FBXO8: variants seen among roughly 807,000 people sequenced by gnomAD.
FBXO8 encodes F-box only protein 8.
Under a neutral mutation model 33.4 loss-of-function variants are expected in FBXO8, and 15 were observed. The observed-to-expected ratio is 0.45, with a 90% CI of 0.30 to 0.69. FBXO8 has a LOEUF of 0.69. Among genes scored for constraint, FBXO8 ranks in the 30% least tolerant of loss-of-function variants. FBXO8 has a pLI of 0.08. For missense variants in FBXO8, 274 were observed against 380.3 expected, an observed-to-expected ratio of 0.72 and a Z score of 2.32; for synonymous variants, 132 against 131.5, an observed-to-expected ratio of 1.00 and a Z score of -0.02.
Position 174,247,208 on chromosome 4 carries a change from T to C in FBXO8, c.457-5990A>G, listed in dbSNP as rs1237527400. ...CCACAGACACCTGGCACACACATTG[T>C]GTAACAGTTGGTATCAATAAAAGTT... On this transcript the variant is annotated intron_variant, in intron 3 of 5. Transcript: ENST00000393674. This position sits in a 1 kb window ranked among gnomAD's most constrained non-coding sequence, Gnocchi z 4.6. Among the ~76,000 whole-genome samples, 2 of 152,086 alleles carry C rather than the reference T, an allele frequency of 1.3e-5. No individual in the cohort carries two copies. Among genetic ancestry groups the C allele is most frequent in the African/African-American group, 2.4e-5 (1 of 41,446 alleles).
rs1192695065 is a variant in FBXO8, at chr4:174,241,624, T to C, written c.457-406A>G. Among the ~76,000 whole-genome samples the C allele has an allele frequency of 6.6e-6, 1 of 151,212 alleles. No homozygotes were observed. Among genetic ancestry groups the C allele is most frequent in the Non-Finnish European group, 1.5e-5 (1 of 67,442 alleles). On this transcript the variant is annotated intron_variant, in intron 3 of 5. Coordinates refer to ENST00000393674, the MANE Select transcript of FBXO8 (RefSeq NM_012180.3). This position sits in a 1 kb window ranked among gnomAD's most constrained non-coding sequence, Gnocchi z 4.2. ...CTTAAAGCTCACATATATATTGCAGTATGCCTTTCAAGGAAAGAGCTTCTT... is the reference window on the plus strand; with the variant it reads ...CTTAAAGCTCACATATATATTGCAGCATGCCTTTCAAGGAAAGAGCTTCTT...
rs1276723921 is a variant in FBXO8 at position 174,259,161 on chromosome 4, T to G, written c.456+538A>C. On this transcript the variant is annotated intron_variant, in intron 3 of 5. Coordinates refer to ENST00000393674, the MANE Select transcript of FBXO8 (RefSeq NM_012180.3). This position sits in a 1 kb window ranked among gnomAD's most constrained non-coding sequence, Gnocchi z 4.3. ...CTTACATGTTATGTTAAGAAAGAAT[T>G]AAATAATTAATACAAAATTATTCAA... is the stretch of plus-strand genomic sequence containing the variant. Among the ~76,000 whole-genome samples the G allele has an allele frequency of 6.6e-6, 1 of 151,940 alleles. No individual in the cohort carries two copies. The highest frequency in any genetic ancestry group is 1.5e-5 in the Non-Finnish European group (1 of 67,890).
rs6822294 is a variant in FBXO8 at position 174,251,751 on chromosome 4, G to C, written c.456+7948C>G. ...GAGGAAGAGGCTATTTAGTGTCTGAGAGGCATAATTTTTCACTTTGACTCT... is the reference window on the plus strand; with the variant it reads ...GAGGAAGAGGCTATTTAGTGTCTGACAGGCATAATTTTTCACTTTGACTCT... On this transcript the variant is annotated intron_variant, in intron 3 of 5. Transcript: ENST00000393674. This position sits in a 1 kb window ranked among gnomAD's most constrained non-coding sequence, Gnocchi z 4.2. 4.6e-3 allele frequency among the ~76,000 whole-genome samples: 705 copies of C among 152,184 alleles called. 6 individuals carry two copies. Among genetic ancestry groups the C allele is most frequent in the African/African-American group, 0.016 (665 of 41,532 alleles).
rs1054028358 is a variant in FBXO8, at chr4:174,256,438, A to C, written c.456+3261T>G. On this transcript the variant is annotated intron_variant, in intron 3 of 5. Transcript: ENST00000393674. The surrounding 1 kb of genome is among the most constrained non-coding windows in gnomAD (Gnocchi z 4.6). Reference sequence around the variant, plus strand: ...GTACTGCCTAATTTTGAGCACTCAAAAAACTTGGCAAGAGTCATTCTAAAG... The same window carrying C: ...GTACTGCCTAATTTTGAGCACTCAACAAACTTGGCAAGAGTCATTCTAAAG... 6.6e-6 allele frequency among the ~76,000 whole-genome samples: 1 copy of C among 152,194 alleles called. No individual in the cohort carries two copies. The highest frequency in any genetic ancestry group is 1.5e-5 in the Non-Finnish European group (1 of 68,032).
rs552560660 is a variant in FBXO8, at chr4:174,266,951, A to G, written c.-8-3851T>C. Among the ~76,000 whole-genome samples, 19 of 152,310 alleles carry G rather than the reference A, an allele frequency of 1.2e-4. No individual in the cohort carries two copies. In the East Asian group the frequency reaches 2.5e-3, roughly 20 times the overall value. On this transcript the variant is annotated intron_variant, in intron 1 of 5. Coordinates refer to ENST00000393674, the MANE Select transcript of FBXO8 (RefSeq NM_012180.3). ...ATAAAGCTTATTTAATGATACTTAA[A>G]CTGTTCTGATGTCCTGCCTGTTGAA...
intron 3 of FBXO8, among the ~76,000 whole-genome samples, chr4:174,250,661 T>G (rs1178340833): frequency 6.6e-6 from 1 of 152,120 alleles, no homozygotes; most frequent in African/African-American, 2.4e-5. Flanking sequence ...TTTTAAAAAA[T>G]GCACTTAAGG....
chr4:174,259,632 T>G lies in FBXO8; in HGVS notation c.456+67A>C. 6.5e-7 allele frequency: 1 copy of G among 1,547,996 alleles called. No homozygotes were observed. Among genetic ancestry groups the G allele is most frequent in the Non-Finnish European group, 8.7e-7 (1 of 1,151,734 alleles). On this transcript the variant is annotated intron_variant, in intron 3 of 5. Coordinates refer to ENST00000393674, the MANE Select transcript of FBXO8 (RefSeq NM_012180.3). This position sits in a 1 kb window ranked among gnomAD's most constrained non-coding sequence, Gnocchi z 4.3. ...TTTTGTTTTCCCTGCTAGTTTATGA[T>G]ATTGGAAAGCTGCAGCAAGATAGTA...
Position 174,275,058 on chromosome 4 carries a change from G to A in FBXO8, c.-9+8352C>T, listed in dbSNP as rs935426953. On this transcript the variant is annotated intron_variant, in intron 1 of 5. Transcript: ENST00000393674. The surrounding 1 kb of genome is among the most constrained non-coding windows in gnomAD (Gnocchi z 4.4). ...TTTGTAAACCACATATCTGACGGAC[G>A]AGTATCTAGAATATATAAACAACTC... 2.0e-5 allele frequency among the ~76,000 whole-genome samples: 3 copies of A among 152,106 alleles called. No homozygotes were observed. Among genetic ancestry groups the A allele is most frequent in the African/African-American group, 7.2e-5 (3 of 41,424 alleles).
Position 174,239,081 on chromosome 4 carries a change from C to A in FBXO8, c.685G>T (p.Glu229Ter). Reference protein sequence around the residue: ...RHIHAPEERGEYLETLITKFS... With the variant: ...RHIHAPEERG ...TTTGTTATAAGAGTTTCAAGATACT[C>A]TCCACGCTCTTCAGGGGCATGGATA... is the stretch of plus-strand genomic sequence containing the variant. The change falls in exon 5 of 6, where the codon GAG (glutamate) becomes TAG (stop). Residue 229 changes from glutamate (E) to a stop codon, truncating the protein, a stop_gained. Coordinates refer to ENST00000393674, the MANE Select transcript of FBXO8 (RefSeq NM_012180.3). LOFTEE classifies it high-confidence loss of function. The A allele has an allele frequency of 6.2e-7, 1 of 1,608,982 alleles. No homozygotes were observed. The highest frequency in any genetic ancestry group is 8.5e-7 in the Non-Finnish European group (1 of 1,177,024).
In FBXO8 at chr4:174,252,346, G is replaced by C. The variant is rs1427503172; in HGVS notation, c.456+7353C>G. 6.6e-6 allele frequency among the ~76,000 whole-genome samples: 1 copy of C among 152,076 alleles called. No individual in the cohort carries two copies. On this transcript the variant is annotated intron_variant, in intron 3 of 5. Transcript: ENST00000393674. This position sits in a 1 kb window ranked among gnomAD's most constrained non-coding sequence, Gnocchi z 5.1. The stretch of plus-strand genomic sequence containing the variant: ...CCTAAGAGTCTGGATAATAATAATA[G>C]CAATAATACATCAAGATGTTTTTGG...
At chr4:174,276,416 T>C (rs1394061531) in intron 1 of FBXO8, among the ~76,000 whole-genome samples, 2 of 152,210 alleles carry the variant, frequency 1.3e-5, no homozygotes, top group African/African-American at 4.8e-5. Context: ...TTTTGTATTT[T>C]TAGTAGAGAC....
At position 174,278,154 on chromosome 4, in the gene FBXO8, AAAGGAAG is replaced by A. The variant is rs1736997064; in HGVS notation, c.-9+5249_-9+5255del. Among the ~76,000 whole-genome samples, 1 of 152,110 alleles carries A rather than the reference AAAGGAAG, an allele frequency of 6.6e-6. No homozygotes were observed. The highest frequency in any genetic ancestry group is 2.1e-4 in the South Asian group (1 of 4,830). ...TTAAAGGCAACAAATGTAGAGAAAT[AAAGGAAG>A]GGTAAGTCCACAAGGAGGTCTTTCT... On this transcript the variant is annotated intron_variant, in intron 1 of 5. Transcript: ENST00000393674. The surrounding 1 kb of genome is among the most constrained non-coding windows in gnomAD (Gnocchi z 4.1).
rs191956838 is a variant in FBXO8, at chr4:174,240,618, C to T, written c.575+482G>A. Among the ~76,000 whole-genome samples the T allele has an allele frequency of 1.8e-3, 279 of 151,712 alleles. 1 individual carries two copies. Among genetic ancestry groups the T allele is most frequent in the African/African-American group, 6.4e-3 (267 of 41,472 alleles). The stretch of plus-strand genomic sequence containing the variant: ...GTAAAACTGCTAAATGTTACATTTT[C>T]ATAATTTTCACACTTGAACATAACA... On this transcript the variant is annotated intron_variant, in intron 4 of 5. Coordinates refer to ENST00000393674, the MANE Select transcript of FBXO8 (RefSeq NM_012180.3).
In FBXO8 at chr4:174,252,440, A is replaced by G. The variant is rs1300391702; in HGVS notation, c.456+7259T>C. ...TACTTCAAAAATAAAATTACCTTGTATAACAAGAAGTTCCAAACTAATATG... is the reference window on the plus strand; with the variant it reads ...TACTTCAAAAATAAAATTACCTTGTGTAACAAGAAGTTCCAAACTAATATG... On this transcript the variant is annotated intron_variant, in intron 3 of 5. Transcript: ENST00000393674. This position sits in a 1 kb window ranked among gnomAD's most constrained non-coding sequence, Gnocchi z 5.1. Among the ~76,000 whole-genome samples, 5 of 152,320 alleles carry G rather than the reference A, an allele frequency of 3.3e-5. No homozygotes were observed. In the South Asian group the frequency reaches 8.3e-4, roughly 25 times the overall value.
chr4:174,279,931 C>T (rs991230971), intron 1 of FBXO8, among the ~76,000 whole-genome samples: 1 of 151,862 alleles, frequency 6.6e-6, no homozygotes, highest in African/African-American at 2.4e-5. Context: ...AAAAGGCTTA[C>T]AGCACTGAAT....
In FBXO8 at chr4:174,255,705, C is replaced by T. The variant is rs536959934; in HGVS notation, c.456+3994G>A. On this transcript the variant is annotated intron_variant, in intron 3 of 5. Transcript: ENST00000393674. The surrounding 1 kb of genome is among the most constrained non-coding windows in gnomAD (Gnocchi z 4.3). ...TATTAAAGTTAAACCATGTTCACTA[C>T]CAATTTTTCAGATCCTAAATTTAAA... is the stretch of plus-strand genomic sequence containing the variant. Among the ~76,000 whole-genome samples, 35 of 152,086 alleles carry T rather than the reference C, an allele frequency of 2.3e-4. No homozygotes were observed. The highest frequency in any genetic ancestry group is 7.5e-4 in the African/African-American group (31 of 41,502).
rs1176795063 is a variant in FBXO8 at position 174,255,103 on chromosome 4, C to T, written c.456+4596G>A. Among the ~76,000 whole-genome samples, 1 of 152,108 alleles carries T rather than the reference C, an allele frequency of 6.6e-6. No homozygotes were observed. Among genetic ancestry groups the T allele is most frequent in the East Asian group, 1.9e-4 (1 of 5,190 alleles). ...AATAAGCCAACTAATCATAATCTAT[C>T]ATGTTCAAATTAGACTTAAGAATTC... is the stretch of plus-strand genomic sequence containing the variant. On this transcript the variant is annotated intron_variant, in intron 3 of 5. Transcript: ENST00000393674. The surrounding 1 kb of genome is among the most constrained non-coding windows in gnomAD (Gnocchi z 4.3).
chr4:174,240,078 G>T (rs1735992719), intron 4 of FBXO8, among the ~76,000 whole-genome samples: 1 of 148,054 alleles, frequency 6.8e-6, no homozygotes, highest in Non-Finnish European at 1.5e-5. Flanking sequence ...CCACAGAATG[G>T]CAGAGTTTTA....
rs1736136174 is a variant in FBXO8 at position 174,245,327 on chromosome 4, G to T, written c.457-4109C>A. Among the ~76,000 whole-genome samples, 2 of 151,834 alleles carry T rather than the reference G, an allele frequency of 1.3e-5. No individual in the cohort carries two copies. The highest frequency in any genetic ancestry group is 4.1e-4 in the South Asian group (2 of 4,830). ...CTATGGGATAGGACGTTTGGATAAG[G>T]TTTCCTGCTAGAGATTAGACTGAAG... On this transcript the variant is annotated intron_variant, in intron 3 of 5. Transcript: ENST00000393674. The surrounding 1 kb of genome is among the most constrained non-coding windows in gnomAD (Gnocchi z 4.6).
Sources: allele counts gnomAD v4.1 joint callset (sites outside exome capture counted in the v4.1 genomes callset), GRCh38; gene constraint gnomAD v4.1.1; non-coding constraint Gnocchi (gnomAD v3.1); transcripts MANE v1.5; gene names NCBI Gene and HGNC (gene_info 2026-07-23, HGNC 2026-07-21).